The following MEIS2 variants were observed in gnomAD, a reference collection of about 807,000 sequenced individuals.
MEIS2 encodes the protein homeobox protein Meis2.
MEIS2 carries 9 observed loss-of-function variants against 58.6 expected under a neutral mutation model. That is an observed-to-expected ratio of 0.15 (90% CI 0.09 to 0.27). The LOEUF is 0.27. Ranked by LOEUF, MEIS2 falls within the 10% of genes least tolerant of loss-of-function variation. The pLI is 1.00. For synonymous variants in MEIS2, 221 were observed against 228.4 expected (o/e 0.97, Z 0.29); for missense variants, 427 against 635.0 (o/e 0.67, Z 3.52).
At position 37,083,017 on chromosome 15, in the gene MEIS2, G is replaced by A. The variant is rs183287016; in HGVS notation, c.754+754C>T. 3.0e-3 allele frequency among the ~76,000 whole-genome samples: 460 copies of A among 152,134 alleles called. 1 individual carries two copies. Among genetic ancestry groups the A allele is most frequent in the Non-Finnish European group, 4.5e-3 (303 of 68,000 alleles). ...AAAAGTAAAATCTATACACTTCCCT[G>A]GCCCACATTCAATAATGCATCTTCC... On this transcript the variant is annotated intron_variant, in intron 7 of 11. Coordinates refer to ENST00000561208, the MANE Select transcript of MEIS2 (RefSeq NM_170675.5).
At chr15:36,973,793 TTTC>T (rs2059649731) in intron 8 of MEIS2, among the ~76,000 whole-genome samples, 1 of 152,152 alleles carries the variant, frequency 6.6e-6, no homozygotes, top group South Asian at 2.1e-4. Flanking sequence ...ATGACATTGT[TTTC>T]TTCTTATTTA....
At chr15:37,070,725 T>C (rs148894111) in intron 7 of MEIS2, among the ~76,000 whole-genome samples, 7 of 152,254 alleles carry the variant, frequency 4.6e-5, no homozygotes, top group African/African-American at 1.7e-4. Context: ...TAGGTGTTAA[T>C]AATTGCAACA....
chr15:36,893,573 G>A (rs983166200), intron 11 of MEIS2, among the ~76,000 whole-genome samples: 7 of 152,220 alleles, frequency 4.6e-5, no homozygotes, highest in African/African-American at 1.7e-4. Flanking sequence ...CAAATCAAGA[G>A]AGGATAATAT....
intron 9 of MEIS2, among the ~76,000 whole-genome samples, chr15:36,936,012 A>T (rs1194765): frequency 0.67 from 101,883 of 151,828 alleles, 34,625 homozygotes; most frequent in Non-Finnish European, 0.71. Context: ...TGCTGCTCAG[A>T]TAAGACCCTT....
At chr15:36,895,066 C>A in intron 11 of MEIS2, 85 bp downstream of exon 11, 1 of 1,161,512 alleles carries the variant, frequency 8.6e-7, no homozygotes, top group Non-Finnish European at 1.3e-6. Flanking sequence ...CCCACCATGA[C>A]AGTGGGATAG....
intron 9 of MEIS2, among the ~76,000 whole-genome samples, chr15:36,906,104 G>C (rs1018125879): frequency 6.6e-6 from 1 of 152,208 alleles, no homozygotes. Flanking sequence ...TGTTGTGCAA[G>C]GGAGGATAAA....
At chr15:36,955,995 G>A (rs1285840382) in intron 8 of MEIS2, among the ~76,000 whole-genome samples, 2 of 133,248 alleles carry the variant, frequency 1.5e-5, no homozygotes, top group East Asian at 4.6e-4. Flanking sequence ...GGCTAACACG[G>A]TGAAACCCCG....
At chr15:36,892,759 GA>G (rs1377495152) in intron 11 of MEIS2, among the ~76,000 whole-genome samples, 1 of 152,082 alleles carries the variant, frequency 6.6e-6, no homozygotes, top group Non-Finnish European at 1.5e-5. Flanking sequence ...AATGCAATAA[GA>G]ATATAAATTT....
intron 6 of MEIS2, among the ~76,000 whole-genome samples, chr15:37,088,766 C>T (rs1033371010): frequency 7.9e-5 from 12 of 152,204 alleles, no homozygotes; most frequent in Middle Eastern, 3.4e-3. Context: ...TCCATTTAGT[C>T]GAGCAACTTT....
At chr15:37,075,971 G>A (rs987739138) in intron 7 of MEIS2, among the ~76,000 whole-genome samples, 1 of 151,836 alleles carries the variant, frequency 6.6e-6, no homozygotes, top group Admixed American at 6.6e-5. Context: ...ATACTAAAGT[G>A]GTTCACTTTC....
chr15:37,055,090 A>C (rs1239856335), intron 7 of MEIS2, among the ~76,000 whole-genome samples: 1 of 152,196 alleles, frequency 6.6e-6, no homozygotes, highest in African/African-American at 2.4e-5. Flanking sequence ...AACAGTGCAG[A>C]AACAGGGATG....
At chr15:36,931,624 G>T (rs1302409450) in intron 9 of MEIS2, among the ~76,000 whole-genome samples, 1 of 152,060 alleles carries the variant, frequency 6.6e-6, no homozygotes, top group Non-Finnish European at 1.5e-5. Flanking sequence ...GAAGTGCCCC[G>T]GAAACCAGAA....
chr15:37,045,416 C>A (rs2062621513), intron 7 of MEIS2, among the ~76,000 whole-genome samples: 1 of 151,812 alleles, frequency 6.6e-6, no homozygotes, highest in Non-Finnish European at 1.5e-5. Flanking sequence ...CAGGGACTAC[C>A]TTCCAGGAGT....
chr15:36,928,323 A>C (rs933745643), intron 9 of MEIS2, among the ~76,000 whole-genome samples: 4 of 152,326 alleles, frequency 2.6e-5, no homozygotes, highest in Admixed American at 2.6e-4. Flanking sequence ...CAATTAAAAC[A>C]ACAACAGTAA....
intron 9 of MEIS2, among the ~76,000 whole-genome samples, chr15:36,913,188 G>A (rs942628480): frequency 3.3e-5 from 5 of 152,184 alleles, no homozygotes; most frequent in Admixed American, 6.5e-5. Context: ...GGTTCTTAGC[G>A]CCTAGCTCAG....
At chr15:37,053,765 T>G (rs1478151119) in intron 7 of MEIS2, among the ~76,000 whole-genome samples, 1 of 152,256 alleles carries the variant, frequency 6.6e-6, no homozygotes, top group Non-Finnish European at 1.5e-5. Context: ...TTTTTCTATA[T>G]ATATGATGGG....
chr15:36,948,557 T>A (rs890084940), intron 9 of MEIS2, among the ~76,000 whole-genome samples: 4 of 152,062 alleles, frequency 2.6e-5, no homozygotes, highest in East Asian at 3.9e-4. Flanking sequence ...CATCACAAGC[T>A]CCCTCAATTG....
intron 9 of MEIS2, 123 bp from the exon 10 acceptor site, chr15:36,896,809 T>A: frequency 1.2e-6 from 1 of 822,466 alleles, no homozygotes; most frequent in Non-Finnish European, 2.0e-6. Flanking sequence ...CTTTTCAATT[T>A]AAAGGTGATT....
At chr15:37,042,713 T>C (rs1026405923) in intron 7 of MEIS2, among the ~76,000 whole-genome samples, 4 of 152,202 alleles carry the variant, frequency 2.6e-5, no homozygotes, top group African/African-American at 9.7e-5. Context: ...CTAGACCTGG[T>C]CCAAGTTGGC....
Sources: gnomAD v4.1 joint callset for allele counts (sites outside exome capture counted in the v4.1 genomes callset) on GRCh38, gnomAD v4.1.1 for gene constraint, MANE v1.5 for transcripts, NCBI Gene and HGNC (gene_info 2026-07-23, HGNC 2026-07-21) for gene names.